The following TULP4 variants were observed in gnomAD, a reference collection of about 807,000 sequenced individuals.
TULP4 encodes TUB like protein 4, also known as tubby-related protein 4.
A neutral mutation model predicts 129.0 loss-of-function variants in TULP4; 16 were observed. The ratio of observed to expected loss-of-function variants is 0.12; its 90% CI spans 0.08 to 0.19. The LOEUF is 0.19. TULP4 is among the 10% of genes least tolerant of loss of function. TULP4 has a pLI of 1.00. For missense variants in TULP4, 1,842 were observed against 2,059.1 expected (o/e 0.89, Z 2.04); for synonymous variants, 998 against 854.0 (o/e 1.17, Z -2.94).
chr6:158,335,413 G>C (rs893410366), intron 1 of TULP4, among the ~76,000 whole-genome samples: 11 of 150,656 alleles, frequency 7.3e-5, no homozygotes, highest in African/African-American at 2.5e-4. Flanking sequence ...AGTTGTTTTT[G>C]TTTCAGTTTG....
At position 158,436,977 on chromosome 6, in the gene TULP4, G is replaced by GCTGCT. The variant is rs1180471145; in HGVS notation, c.543+7080_543+7081insCTGCT. ...CTGCTAAGGAGGTTTTGCACCCTGT[G>GCTGCT]TAGTCTGTTGTGTGCTGGTGTGGTC... On this transcript the variant is annotated intron_variant, in intron 3 of 13. Coordinates refer to ENST00000367097, the MANE Select transcript of TULP4 (RefSeq NM_020245.5). 2.6e-5 allele frequency among the ~76,000 whole-genome samples: 4 copies of GCTGCT among 152,200 alleles called. No homozygotes were observed. In the East Asian group the frequency reaches 7.7e-4, roughly 29 times the overall value.
In TULP4 at chr6:158,489,634, C is replaced by T; in HGVS notation, c.1533C>T (p.Cys511=). Residue 511 remains cysteine, a synonymous_variant, in exon 9 of 14, where the codon TGC becomes TGT. Coordinates refer to ENST00000367097, the MANE Select transcript of TULP4 (RefSeq NM_020245.5). ...TGATTTCTACTGTGATCGACAGCTG[C>T]AACTGCTCAGACTCCAGTGACATTG... is the stretch of plus-strand genomic sequence containing the variant. ...NSLISTVIDS[C]NCSDSSDIEL... 6.2e-7 allele frequency: 1 copy of T among 1,614,204 alleles called. No individual in the cohort carries two copies. Among genetic ancestry groups the T allele is most frequent in the Non-Finnish European group, 8.5e-7 (1 of 1,180,032 alleles).
Position 158,413,252 on chromosome 6 carries a change from G to A in TULP4, c.381+59G>A. On this transcript the variant is annotated intron_variant, in intron 2 of 13. Coordinates refer to ENST00000367097, the MANE Select transcript of TULP4 (RefSeq NM_020245.5). The surrounding 1 kb of genome is among the most constrained non-coding windows in gnomAD (Gnocchi z 4.9). ...CTGCGGGGTAGAGGACTCCCAGACA[G>A]GCATTCCGGAGCCAGTGCGTTAGCA... is the stretch of plus-strand genomic sequence containing the variant. 6.5e-7 allele frequency: 1 copy of A among 1,548,726 alleles called. No homozygotes were observed. Among genetic ancestry groups the A allele is most frequent in the East Asian group, 2.3e-5 (1 of 43,756 alleles).
chr6:158,256,848 A>C (rs948357891), intron 1 of TULP4, among the ~76,000 whole-genome samples: 5 of 152,152 alleles, frequency 3.3e-5, no homozygotes, highest in African/African-American at 1.2e-4. Context: ...GTGGGTATCC[A>C]GGCAGGATTT....
chr6:158,477,626 A>G (rs538642805), intron 6 of TULP4, among the ~76,000 whole-genome samples: 1 of 152,338 alleles, frequency 6.6e-6, no homozygotes, highest in African/African-American at 2.4e-5. Context: ...AGATGTCGGC[A>G]TGGTTGCAGA....
intron 11 of TULP4, among the ~76,000 whole-genome samples, chr6:158,495,353 G>T (rs1052040300): frequency 2.0e-5 from 3 of 152,062 alleles, no homozygotes; most frequent in Non-Finnish European, 4.4e-5. Flanking sequence ...ACGCCTGGTC[G>T]CCAGCGGGAT....
intron 11 of TULP4, among the ~76,000 whole-genome samples, chr6:158,498,203 A>G (rs1307198846): frequency 1.3e-5 from 2 of 152,196 alleles, no homozygotes; most frequent in Non-Finnish European, 2.9e-5. Context: ...ACATGAAACC[A>G]TGCCACCCCC....
intron 1 of TULP4, among the ~76,000 whole-genome samples, chr6:158,372,543 A>C (rs1352410147): frequency 6.6e-6 from 1 of 152,202 alleles, no homozygotes; most frequent in Non-Finnish European, 1.5e-5. Flanking sequence ...TATTTTAAGA[A>C]TTTGAGTAGT....
intron 1 of TULP4, among the ~76,000 whole-genome samples, chr6:158,373,140 C>A (rs1342675145): frequency 6.6e-6 from 1 of 152,176 alleles, no homozygotes; most frequent in Non-Finnish European, 1.5e-5. Context: ...TCTTAAACAT[C>A]AGTGAAAATG....
At chr6:158,296,164 A>G (rs1202900674) in intron 1 of TULP4, among the ~76,000 whole-genome samples, 3 of 146,892 alleles carry the variant, frequency 2.0e-5, no homozygotes, top group South Asian at 4.3e-4. Context: ...TCCTTTTCTT[A>G]TTTTCTCCTT....
intron 4 of TULP4, among the ~76,000 whole-genome samples, chr6:158,450,120 C>T (rs914306184): frequency 6.6e-6 from 1 of 152,128 alleles, no homozygotes; most frequent in Non-Finnish European, 1.5e-5. Flanking sequence ...AGAATTTAGC[C>T]TTCCTGCCTA....
chr6:158,256,580 T>C (rs1341641085), intron 1 of TULP4, among the ~76,000 whole-genome samples: 1 of 152,230 alleles, frequency 6.6e-6, no homozygotes, highest in Non-Finnish European at 1.5e-5. Flanking sequence ...ATTGAACTTT[T>C]TAGCATTTCC....
rs974221339 is a variant in TULP4 at position 158,450,785 on chromosome 6, G to A, written c.725-1349G>A. 5.3e-5 allele frequency among the ~76,000 whole-genome samples: 8 copies of A among 152,026 alleles called. No individual in the cohort carries two copies. The East Asian group carries it at 1.3e-3, about 26-fold the overall frequency. Reference sequence around the variant, plus strand: ...AAAAAGAAAACAAGGGACTGGGCACGGTGGCTCAGGCCTGTAATCCTAGCA... The same window carrying A: ...AAAAAGAAAACAAGGGACTGGGCACAGTGGCTCAGGCCTGTAATCCTAGCA... On this transcript the variant is annotated intron_variant, in intron 4 of 13. Transcript: ENST00000367097.
At chr6:158,292,558 A>G (rs1177205420) in intron 1 of TULP4, among the ~76,000 whole-genome samples, 1 of 152,186 alleles carries the variant, frequency 6.6e-6, no homozygotes, top group African/African-American at 2.4e-5. Flanking sequence ...GAAGTGTAAC[A>G]TGTAATTTTA....
intron 1 of TULP4, among the ~76,000 whole-genome samples, chr6:158,235,871 A>G (rs950531452): frequency 6.6e-6 from 1 of 152,246 alleles, no homozygotes; most frequent in Non-Finnish European, 1.5e-5. Context: ...AATTAAATTA[A>G]TTAAATTAGT....
chr6:158,296,064 G>A (rs1758053022), intron 1 of TULP4, among the ~76,000 whole-genome samples: 2 of 151,988 alleles, frequency 1.3e-5, no homozygotes, highest in African/African-American at 4.8e-5. Context: ...AATTAGTTTG[G>A]CTTGTTTCTG....
intron 2 of TULP4, among the ~76,000 whole-genome samples, chr6:158,424,252 ATACT>A (rs758945842): frequency 3.2e-4 from 48 of 152,188 alleles, no homozygotes; most frequent in Non-Finnish European, 5.6e-4. Context: ...ATCATCTTGT[ATACT>A]TACTTATTTA....
At chr6:158,492,405 G>C (rs746413236) in intron 9 of TULP4, among the ~76,000 whole-genome samples, 5 of 152,194 alleles carry the variant, frequency 3.3e-5, no homozygotes, top group African/African-American at 4.8e-5. Flanking sequence ...TAAATATGCA[G>C]ATATCCAGTT....
At chr6:158,436,323 C>T (rs527240508) in intron 3 of TULP4, among the ~76,000 whole-genome samples, 3 of 152,290 alleles carry the variant, frequency 2.0e-5, no homozygotes, top group Non-Finnish European at 4.4e-5. Flanking sequence ...GATGATTGTG[C>T]TCAAACCAGC....
Sources: gnomAD v4.1 joint callset for allele counts (sites outside exome capture counted in the v4.1 genomes callset) on GRCh38, gnomAD v4.1.1 for gene constraint, Gnocchi (gnomAD v3.1) non-coding constraint, MANE v1.5 for transcripts, NCBI Gene and HGNC (gene_info 2026-07-23, HGNC 2026-07-21) for gene names.